The following HUNK variants were observed in gnomAD, a reference collection of about 807,000 sequenced individuals.
HUNK encodes the protein hormonally up-regulated Neu-associated kinase.
A neutral mutation model predicts 61.0 loss-of-function variants in HUNK; 21 were observed. The observed-to-expected ratio is 0.34, with a 90% CI of 0.24 to 0.50. The LOEUF (loss-of-function observed/expected upper bound fraction) is 0.50, where lower values mean the gene tolerates loss of function less well. HUNK is among the 20% of genes least tolerant of loss of function. HUNK has a pLI of 0.98. For synonymous variants in HUNK, 371 were observed against 386.1 expected (o/e 0.96, Z 0.46); for missense variants, 772 against 945.7 (o/e 0.82, Z 2.41).
chr21:31,912,025 G>T (rs1370537381), intron 1 of HUNK, among the ~76,000 whole-genome samples: 1 of 152,172 alleles, frequency 6.6e-6, no homozygotes, highest in Non-Finnish European at 1.5e-5. Flanking sequence ...CTACTTTCTA[G>T]CATTGGCATT....
At position 31,931,918 on chromosome 21, in the gene HUNK, G is replaced by A. The variant is rs73903705; in HGVS notation, c.554+7158G>A. On this transcript the variant is annotated intron_variant, in intron 2 of 10. Coordinates refer to ENST00000270112, the MANE Select transcript of HUNK (RefSeq NM_014586.2). ...CCCTGGATGCATGTGATGCATGCACGCGCGCACACACACACACGCGCGCCC... is the reference window on the plus strand; with the variant it reads ...CCCTGGATGCATGTGATGCATGCACACGCGCACACACACACACGCGCGCCC... Among the ~76,000 whole-genome samples, 489 of 152,108 alleles carry A rather than the reference G, an allele frequency of 3.2e-3. 1 individual carries two copies. Among genetic ancestry groups the A allele is most frequent in the African/African-American group, 9.9e-3 (411 of 41,462 alleles).
At chr21:31,909,255 T>A (rs2833552) in intron 1 of HUNK, among the ~76,000 whole-genome samples, 58,936 of 152,076 alleles carry the variant, frequency 0.39, 13,112 homozygotes, top group African/African-American at 0.62. Context: ...GCTATCTCAA[T>A]ATTCTCCGTT....
intron 1 of HUNK, among the ~76,000 whole-genome samples, chr21:31,886,804 C>T (rs995061923): frequency 6.6e-6 from 1 of 152,130 alleles, no homozygotes; most frequent in Non-Finnish European, 1.5e-5. Flanking sequence ...CACCACCACG[C>T]CCAGCTAATT....
chr21:31,957,730 A>G (rs2052899377), intron 4 of HUNK, among the ~76,000 whole-genome samples: 1 of 152,224 alleles, frequency 6.6e-6, no homozygotes, highest in South Asian at 2.1e-4. Context: ...GGCTTTGGAT[A>G]GGTGCAGTTA....
In HUNK at chr21:31,999,074, C is replaced by T. The variant is rs756509600; in HGVS notation, c.2035C>T (p.Leu679=). 2 of 1,614,132 alleles carry T rather than the reference C, an allele frequency of 1.2e-6. No individual in the cohort carries two copies. The highest frequency in any genetic ancestry group is 1.6e-4 in the Middle Eastern group (1 of 6,084). Reference sequence around the variant, plus strand: ...GATGTTAAGGAAGCGCCATCAGAGTCTGCAGCCATCTGCAGATAGGCCCCT... The same window carrying T: ...GATGTTAAGGAAGCGCCATCAGAGTTTGCAGCCATCTGCAGATAGGCCCCT... The part of the protein sequence containing the change: ...GQMLRKRHQS[L]QPSADRPLEA... The change falls in exon 11 of 11, where the codon CTG becomes TTG. Residue 679 remains leucine (L), a synonymous_variant. Transcript: ENST00000270112.
chr21:32,000,972 T>C lies in HUNK; in HGVS notation c.*1788T>C. 2 of 374,192 alleles carry C rather than the reference T, an allele frequency of 5.3e-6. No homozygotes were observed. Among genetic ancestry groups the C allele is most frequent in the East Asian group, 3.8e-5 (1 of 26,192 alleles). 23.2% of individuals were successfully genotyped at this position (374,192 alleles called of 1,614,324 possible). On this transcript the variant is annotated 3_prime_UTR_variant, in exon 11 of 11. Coordinates refer to ENST00000270112, the MANE Select transcript of HUNK (RefSeq NM_014586.2). ...TCAGACTGGGTTCCAGAACTTACCA[T>C]TGAAAACAGAGCTTTTAGGCCAGGT...
chr21:31,945,164 C>T (rs563060384), intron 3 of HUNK, among the ~76,000 whole-genome samples: 8 of 152,124 alleles, frequency 5.3e-5, no homozygotes, highest in Admixed American at 1.3e-4. Context: ...GGATGAGCTG[C>T]GATCTTAATT....
rs369981611 is a variant in HUNK, at chr21:31,998,607, T to C, written c.1568T>C (p.Val523Ala). The change falls in exon 11 of 11, where the codon GTG (valine) becomes GCG (alanine). Residue 523 changes from valine to alanine, a missense_variant. Val to Ala is a moderately conservative substitution (Grantham distance 64). This residue lies in a region of HUNK where 413 missense variants were observed against 444.4 expected (regional missense o/e 0.93). Transcript: ENST00000270112. ...TCTTCTTCCATGGAGTTCATCCCCG[T>C]GCCACCGCCCAGGACCCCGAGGATT... Reference protein sequence around the residue: ...VASSSMEFIPVPPPRTPRIVK... With the variant: ...VASSSMEFIPAPPPRTPRIVK... 2 of 1,613,890 alleles carry C rather than the reference T, an allele frequency of 1.2e-6. No individual in the cohort carries two copies. Among genetic ancestry groups the C allele is most frequent in the African/African-American group, 2.7e-5 (2 of 74,888 alleles).
intron 2 of HUNK, among the ~76,000 whole-genome samples, chr21:31,936,897 C>T (rs751347464): frequency 1.3e-5 from 2 of 152,104 alleles, no homozygotes. Context: ...TGTTTTTCCC[C>T]ACAGTATTTG....
chr21:31,985,128 A>G (rs962864058), intron 8 of HUNK, among the ~76,000 whole-genome samples: 1 of 152,138 alleles, frequency 6.6e-6, no homozygotes, highest in Non-Finnish European at 1.5e-5. Context: ...CCCTTGACAC[A>G]TGGGGATTAT....
chr21:31,954,446 T>C (rs2052874016), intron 4 of HUNK, among the ~76,000 whole-genome samples: 1 of 152,248 alleles, frequency 6.6e-6, no homozygotes, highest in African/African-American at 2.4e-5. Context: ...CCTGTACAAC[T>C]GAAAAACCAA....
chr21:31,907,657 C>T (rs1347116491), intron 1 of HUNK, among the ~76,000 whole-genome samples: 2 of 152,078 alleles, frequency 1.3e-5, no homozygotes, highest in African/African-American at 2.4e-5. Flanking sequence ...GTCACAACCA[C>T]GTGAACATAT....
chr21:31,880,682 AAAG>A (rs1215719087), intron 1 of HUNK, among the ~76,000 whole-genome samples: 3 of 152,164 alleles, frequency 2.0e-5, no homozygotes, highest in Non-Finnish European at 4.4e-5. Context: ...CCCTATTTTC[AAAG>A]AAGATCATAT....
intron 6 of HUNK, among the ~76,000 whole-genome samples, chr21:31,972,629 C>A (rs898991902): frequency 1.3e-5 from 2 of 152,152 alleles, no homozygotes; most frequent in African/African-American, 2.4e-5. Flanking sequence ...AACCACTGTT[C>A]CCTCTGCATT....
At chr21:31,891,142 C>T (rs569480266) in intron 1 of HUNK, among the ~76,000 whole-genome samples, 2 of 152,140 alleles carry the variant, frequency 1.3e-5, no homozygotes, top group Admixed American at 6.5e-5. Context: ...TTTGGGAGGC[C>T]GAGGTGGGTG....
intron 2 of HUNK, among the ~76,000 whole-genome samples, chr21:31,929,513 A>G (rs1414990681): frequency 2.0e-5 from 3 of 152,232 alleles, no homozygotes; most frequent in African/African-American, 4.8e-5. Context: ...CCTATTGTAT[A>G]TAGAGCATCA....
intron 2 of HUNK, among the ~76,000 whole-genome samples, chr21:31,939,794 A>G (rs1379005881): frequency 6.7e-6 from 1 of 150,122 alleles, no homozygotes; most frequent in African/African-American, 2.5e-5. Context: ...GGCCACATTC[A>G]TATGAAATAT....
In HUNK at chr21:31,901,435, G is replaced by A. The variant is rs537712808; in HGVS notation, c.262-23033G>A. ...CACCTGGCTTTTAATGCATTGCCAG[G>A]AGTTCTCTGATGTGGAGGCCTTGGC... is the stretch of plus-strand genomic sequence containing the variant. On this transcript the variant is annotated intron_variant, in intron 1 of 10. Coordinates refer to ENST00000270112, the MANE Select transcript of HUNK (RefSeq NM_014586.2). 4.6e-5 allele frequency among the ~76,000 whole-genome samples: 7 copies of A among 152,276 alleles called. No individual in the cohort carries two copies. The East Asian group carries it at 1.2e-3, about 25-fold the overall frequency.
intron 1 of HUNK, among the ~76,000 whole-genome samples, chr21:31,893,748 A>G (rs577708335): frequency 6.6e-6 from 1 of 152,322 alleles, no homozygotes; most frequent in South Asian, 2.1e-4. Flanking sequence ...AGTTTGTGGG[A>G]CAATTAATTC....
Sources: gnomAD v4.1 joint callset for allele counts (sites outside exome capture counted in the v4.1 genomes callset) on GRCh38, gnomAD v4.1.1 for gene constraint, gnomAD v4.1.1 regional missense constraint, MANE v1.5 for transcripts, NCBI Gene and HGNC (gene_info 2026-07-23, HGNC 2026-07-21) for gene names.